The following SORCS1 variants were observed in gnomAD, a reference collection of about 807,000 sequenced individuals.
SORCS1 encodes the protein VPS10 domain-containing receptor SorCS1.
Under a neutral mutation model 146.1 loss-of-function variants are expected in SORCS1, and 60 were observed. The observed-to-expected ratio is 0.41, with a 90% confidence interval of 0.33 to 0.51. The LOEUF is 0.51. Among genes scored for constraint, SORCS1 ranks in the 20% least tolerant of loss-of-function variants. SORCS1 has a pLI of 0.21. For missense variants in SORCS1, 1,352 were observed against 1,487.6 expected (o/e 0.91, Z 1.50); for synonymous variants, 637 against 584.0 (o/e 1.09, Z -1.31).
intron 18 of SORCS1, among the ~76,000 whole-genome samples, chr10:106,649,335 G>T (rs755095251): frequency 3.9e-5 from 6 of 152,138 alleles, no homozygotes; most frequent in Non-Finnish European, 7.4e-5. Flanking sequence ...CCTGCAGCCT[G>T]CCCCTGTATG....
At chr10:106,878,888 C>T (rs1197747839) in intron 2 of SORCS1, among the ~76,000 whole-genome samples, 1 of 151,426 alleles carries the variant, frequency 6.6e-6, no homozygotes, top group African/African-American at 2.4e-5. Flanking sequence ...TGACTCGTAC[C>T]TGTAATCCCA....
At chr10:107,162,696 G>A (rs1426509892) in intron 1 of SORCS1, among the ~76,000 whole-genome samples, 3 of 152,202 alleles carry the variant, frequency 2.0e-5, no homozygotes. Flanking sequence ...TGACAGATTA[G>A]TATTTTAAAA....
intron 1 of SORCS1, among the ~76,000 whole-genome samples, chr10:107,145,132 C>A (rs1968206429): frequency 6.6e-6 from 1 of 152,060 alleles, no homozygotes; most frequent in African/African-American, 2.4e-5. Flanking sequence ...GTGATAAACA[C>A]CAATGTGGGT....
chr10:106,620,092 C>T (rs540300877), intron 20 of SORCS1: 12 of 179,964 alleles, frequency 6.7e-5, no homozygotes, highest in Admixed American at 6.1e-4. Flanking sequence ...GCCAGTAAGA[C>T]TCAATTTCAG....
chr10:106,624,683 A>C (rs1847980158), intron 19 of SORCS1, among the ~76,000 whole-genome samples: 1 of 152,238 alleles, frequency 6.6e-6, no homozygotes, highest in Admixed American at 6.5e-5. Context: ...TCTAAGAGAA[A>C]TTCAAGACAC....
At position 106,786,236 on chromosome 10, in the gene SORCS1, T is replaced by C. The variant is rs1946049019; in HGVS notation, c.727-9544A>G. On this transcript the variant is annotated intron_variant, in intron 3 of 25. Transcript: ENST00000263054. ...CAAGCATTTTGTTTTGTTTAAGATT[T>C]TGTGGGTCAGGAATTTGGGAAAAGC... is the stretch of plus-strand genomic sequence containing the variant. Among the ~76,000 whole-genome samples the C allele has an allele frequency of 2.0e-5, 3 of 152,216 alleles. No individual in the cohort carries two copies. The South Asian group carries it at 6.2e-4, about 32-fold the overall frequency.
chr10:106,695,309 C>A (rs1375808929), intron 9 of SORCS1, among the ~76,000 whole-genome samples: 1 of 152,102 alleles, frequency 6.6e-6, no homozygotes, highest in East Asian at 1.9e-4. Context: ...TTGACTTTTC[C>A]CCAGATCATT....
At chr10:107,079,302 T>G (rs1963145013) in intron 1 of SORCS1, among the ~76,000 whole-genome samples, 1 of 151,988 alleles carries the variant, frequency 6.6e-6, no homozygotes, top group Admixed American at 6.6e-5. Flanking sequence ...AAATATAGGA[T>G]TTTTACCATT....
chr10:106,641,598 A>G (rs1849073004), intron 18 of SORCS1, among the ~76,000 whole-genome samples: 2 of 152,144 alleles, frequency 1.3e-5, no homozygotes, highest in African/African-American at 2.4e-5. Flanking sequence ...TTTCAGTTTT[A>G]TCTCTATGCT....
intron 1 of SORCS1, among the ~76,000 whole-genome samples, chr10:107,085,534 C>A (rs1565021069): frequency 6.6e-6 from 1 of 152,136 alleles, no homozygotes; most frequent in Non-Finnish European, 1.5e-5. Flanking sequence ...TATTTACCAT[C>A]AAATAACATC....
intron 3 of SORCS1, among the ~76,000 whole-genome samples, chr10:106,827,610 G>A (rs1004163434): frequency 1.3e-5 from 2 of 152,054 alleles, no homozygotes; most frequent in Admixed American, 1.3e-4. Flanking sequence ...TGTAAAAATC[G>A]ATACAAAGCC....
chr10:106,723,851 G>A (rs1299036502), intron 6 of SORCS1, among the ~76,000 whole-genome samples: 1 of 151,904 alleles, frequency 6.6e-6, no homozygotes, highest in Admixed American at 6.6e-5. Context: ...AAAGCCTGTG[G>A]ACCCATTTTT....
chr10:106,842,228 ATTATT>A lies in SORCS1; in HGVS notation c.627-12560_627-12556del, dbSNP rs995961352. On this transcript the variant is annotated intron_variant, in intron 2 of 25. Coordinates refer to ENST00000263054, the MANE Select transcript of SORCS1 (RefSeq NM_052918.5). Reference sequence around the variant, plus strand: ...GGACATCTGTATATGTTATTATTTTATTATTTTATTTATTTTTGTTTTTTGAGACA... The same window carrying A: ...GGACATCTGTATATGTTATTATTTTATTATTTATTTTTGTTTTTTGAGACA... Among the ~76,000 whole-genome samples the A allele has an allele frequency of 1.3e-4, 20 of 152,014 alleles. 1 individual carries two copies. Among genetic ancestry groups the A allele is most frequent in the African/African-American group, 4.3e-4 (18 of 41,382 alleles).
At chr10:106,867,646 C>A (rs555053536) in intron 2 of SORCS1, among the ~76,000 whole-genome samples, 1 of 152,326 alleles carries the variant, frequency 6.6e-6, no homozygotes, top group African/African-American at 2.4e-5. Flanking sequence ...GCCCAACTAA[C>A]TTCCTAAGTA....
intron 3 of SORCS1, among the ~76,000 whole-genome samples, chr10:106,820,740 C>A (rs2136916138): frequency 1.3e-5 from 2 of 152,260 alleles, no homozygotes; most frequent in South Asian, 4.2e-4. Flanking sequence ...AAGAGCAGCA[C>A]AGGCTATTCA....
chr10:106,901,887 C>CA (rs1396791907), intron 2 of SORCS1, among the ~76,000 whole-genome samples: 1 of 151,812 alleles, frequency 6.6e-6, no homozygotes, highest in Admixed American at 6.6e-5. Context: ...ATTAAATATA[C>CA]AAAAAAATTA....
At chr10:107,084,532 AGG>A (rs1172322861) in intron 1 of SORCS1, among the ~76,000 whole-genome samples, 5 of 152,146 alleles carry the variant, frequency 3.3e-5, no homozygotes, top group Non-Finnish European at 7.4e-5. Flanking sequence ...AAGAGAAAAG[AGG>A]GGAGAGAGAA....
chr10:106,898,821 G>A (rs1044326376), intron 2 of SORCS1, among the ~76,000 whole-genome samples: 16 of 151,990 alleles, frequency 1.1e-4, no homozygotes, highest in South Asian at 2.1e-4. Context: ...ATTCATTGTT[G>A]CCTTTATCTT....
At chr10:107,111,689 C>T (rs1590164256) in intron 1 of SORCS1, among the ~76,000 whole-genome samples, 2 of 152,156 alleles carry the variant, frequency 1.3e-5, no homozygotes, top group South Asian at 2.1e-4. Flanking sequence ...ACTATCCAGA[C>T]CTTTGGAGAA....
Sources: gnomAD v4.1 joint callset for allele counts (sites outside exome capture counted in the v4.1 genomes callset) on GRCh38, gnomAD v4.1.1 for gene constraint, MANE v1.5 for transcripts, NCBI Gene and HGNC (gene_info 2026-07-23, HGNC 2026-07-21) for gene names.